The following CCDC191 variants were observed in gnomAD, a reference collection of about 807,000 sequenced individuals.
CCDC191 encodes the protein coiled-coil domain containing 191.
CCDC191 carries 99 observed loss-of-function variants against 114.0 expected under a neutral mutation model. The ratio of observed to expected loss-of-function variants is 0.87; its 90% CI spans 0.74 to 1.03. The LOEUF is 1.03. Among genes scored for constraint, CCDC191 ranks in the 50% least tolerant of loss-of-function variants. The probability of loss-of-function intolerance (pLI) is 0.00; values close to 1 mark genes in which losing one functional copy is unlikely to be tolerated. For synonymous variants in CCDC191, 351 were observed against 376.0 expected, an observed-to-expected ratio of 0.93 and a Z score of 0.77; for missense variants, 973 against 1,087.0, an observed-to-expected ratio of 0.90 and a Z score of 1.47.
At chr3:113,965,413 A>G (rs775470971) in intron 16 of CCDC191, 54 bp from the exon 17 acceptor site, 61 of 1,032,032 alleles carry the variant, frequency 5.9e-5, no homozygotes, top group Non-Finnish European at 8.3e-5. Flanking sequence ...TTGGCTTTCC[A>G]TCTATAGCAC....
intron 16 of CCDC191, among the ~76,000 whole-genome samples, chr3:113,967,373 A>G (rs1940307571): frequency 8.7e-6 from 1 of 115,064 alleles, no homozygotes; most frequent in South Asian, 2.6e-4. Flanking sequence ...ATCCTTGCCT[A>G]CATTTCTCTT....
chr3:114,028,270 T>TC lies in CCDC191; in HGVS notation c.972+3355_972+3356insG, dbSNP rs1382384383. Reference sequence around the variant, plus strand: ...CCACTGTGGTATGGGTTAGCAATTCTAAAAATTTTTTTTTTTTTTTTTTTT... The same window carrying TC: ...CCACTGTGGTATGGGTTAGCAATTCTCAAAAATTTTTTTTTTTTTTTTTTTT... On this transcript the variant is annotated intron_variant, in intron 7 of 16. Transcript: ENST00000295878. 2.0e-5 allele frequency among the ~76,000 whole-genome samples: 3 copies of TC among 149,202 alleles called. No homozygotes were observed. In the Admixed American group the frequency reaches 2.0e-4, roughly 10 times the overall value.
chr3:113,995,001 G>A (rs922698115), intron 13 of CCDC191, among the ~76,000 whole-genome samples: 1 of 152,174 alleles, frequency 6.6e-6, no homozygotes. Context: ...TGCAGATGAA[G>A]TTCTATTGGA....
At chr3:113,982,520 T>C (rs1577342127) in intron 13 of CCDC191, among the ~76,000 whole-genome samples, 3 of 152,082 alleles carry the variant, frequency 2.0e-5, no homozygotes, top group Non-Finnish European at 4.4e-5. Flanking sequence ...AGGGGTTTCA[T>C]AGAACACAGA....
rs892173306 is a variant in CCDC191 at position 114,046,598 on chromosome 3, A to G, written c.264T>C (p.Tyr88=). The change falls in exon 3 of 17, where the codon TAT becomes TAC. Residue 88 remains tyrosine (Y), a synonymous_variant. Coordinates refer to ENST00000295878, the MANE Select transcript of CCDC191 (RefSeq NM_020817.2). ...SEQIEDHDEI[Y]AEAQELVNDW... ...GAAAATGCATTCTCTTACCTTCTGCATAGATTTCATCATGATCCTCTATTT... is the reference window on the plus strand; with the variant it reads ...GAAAATGCATTCTCTTACCTTCTGCGTAGATTTCATCATGATCCTCTATTT... 1 of 1,579,052 alleles carries G rather than the reference A, an allele frequency of 6.3e-7. No individual in the cohort carries two copies. The highest frequency in any genetic ancestry group is 8.7e-7 in the Non-Finnish European group (1 of 1,148,220).
intron 13 of CCDC191, among the ~76,000 whole-genome samples, chr3:113,985,187 T>C (rs911504614): frequency 6.6e-6 from 1 of 152,056 alleles, no homozygotes; most frequent in Non-Finnish European, 1.5e-5. Context: ...GAGAAGATCA[T>C]GGAGAATCCA....
chr3:114,003,536 T>C, intron 11 of CCDC191: 1 of 985,410 alleles, frequency 1.0e-6, no homozygotes, highest in African/African-American at 1.7e-5. Context: ...AATATGCCCT[T>C]TGCCCATCTT....
intron 16 of CCDC191, among the ~76,000 whole-genome samples, chr3:113,974,790 C>A (rs1377497210): frequency 1.3e-5 from 2 of 152,012 alleles, no homozygotes; most frequent in African/African-American, 4.8e-5. Context: ...TATGTGGCTG[C>A]CTCCTTTTTG....
At chr3:114,011,162 G>C in intron 8 of CCDC191, 141 bp from the exon 9 acceptor site, 1 of 955,374 alleles carries the variant, frequency 1.0e-6, no homozygotes, top group South Asian at 1.7e-5. Context: ...TAAGCTAAAT[G>C]AAATTGCTTT....
At chr3:113,988,099 T>C (rs1453011377) in intron 13 of CCDC191, among the ~76,000 whole-genome samples, 1 of 151,158 alleles carries the variant, frequency 6.6e-6, no homozygotes, top group Admixed American at 6.6e-5. Flanking sequence ...CACAATAAAA[T>C]AGAATCATAA....
At chr3:114,022,045 G>T (rs1485656779) in intron 7 of CCDC191, among the ~76,000 whole-genome samples, 1 of 152,110 alleles carries the variant, frequency 6.6e-6, no homozygotes, top group Non-Finnish European at 1.5e-5. Context: ...AGGAAGAACT[G>T]TTCCTAAGTA....
intron 13 of CCDC191, among the ~76,000 whole-genome samples, chr3:113,985,837 G>C (rs1247468944): frequency 6.6e-6 from 1 of 152,114 alleles, no homozygotes; most frequent in Admixed American, 6.6e-5. Context: ...CCCAATTCCC[G>C]GCTAAATTAG....
chr3:114,039,093 G>A (rs324550), intron 4 of CCDC191, among the ~76,000 whole-genome samples: 75,693 of 151,932 alleles, frequency 0.5, 18,990 homozygotes, highest in Middle Eastern at 0.6. Flanking sequence ...AAAAAAAAGT[G>A]TAGCACATAC....
At chr3:113,974,959 T>G (rs1941185464) in intron 16 of CCDC191, among the ~76,000 whole-genome samples, 1 of 152,196 alleles carries the variant, frequency 6.6e-6, no homozygotes, top group African/African-American at 2.4e-5. Flanking sequence ...TTGGTAAATA[T>G]GTCTTGATAA....
intron 13 of CCDC191, among the ~76,000 whole-genome samples, chr3:113,986,365 C>T (rs2075355807): frequency 6.6e-6 from 1 of 151,924 alleles, no homozygotes; most frequent in Non-Finnish European, 1.5e-5. Context: ...ATAACAAATC[C>T]CATAAGGAAA....
intron 9 of CCDC191, among the ~76,000 whole-genome samples, chr3:114,009,663 T>C (rs2076034217): frequency 6.6e-6 from 1 of 152,170 alleles, no homozygotes; most frequent in Non-Finnish European, 1.5e-5. Flanking sequence ...TAAAAATGTT[T>C]AACCTTACTA....
chr3:113,971,271 G>A (rs1211887128), intron 16 of CCDC191, among the ~76,000 whole-genome samples: 2 of 152,194 alleles, frequency 1.3e-5, no homozygotes, highest in African/African-American at 4.8e-5. Context: ...ACTGGTGTGA[G>A]ATGGTATCTC....
rs571568102 is a variant in CCDC191 at position 114,008,511 on chromosome 3, G to T, written c.1413+2261C>A. Reference sequence around the variant, plus strand: ...AGTACTTAACAGCATTATGTGGAGGGTGGAGGTGAGGGGGTAGAAGCTCTT... The same window carrying T: ...AGTACTTAACAGCATTATGTGGAGGTTGGAGGTGAGGGGGTAGAAGCTCTT... On this transcript the variant is annotated intron_variant, in intron 9 of 16. Coordinates refer to ENST00000295878, the MANE Select transcript of CCDC191 (RefSeq NM_020817.2). Among the ~76,000 whole-genome samples the T allele has an allele frequency of 6.6e-5, 10 of 152,172 alleles. No individual in the cohort carries two copies. The East Asian group carries it at 1.9e-3, about 29-fold the overall frequency.
At chr3:113,980,950 A>G (rs1196551463) in intron 13 of CCDC191, among the ~76,000 whole-genome samples, 157 bp from the exon 14 acceptor site, 3 of 152,212 alleles carry the variant, frequency 2.0e-5, no homozygotes, top group Non-Finnish European at 4.4e-5. Context: ...TTTAAAAAAA[A>G]GGAAATAATT....
Sources: gnomAD v4.1 joint callset for allele counts (sites outside exome capture counted in the v4.1 genomes callset) on GRCh38, gnomAD v4.1.1 for gene constraint, MANE v1.5 for transcripts, NCBI Gene and HGNC (gene_info 2026-07-23, HGNC 2026-07-21) for gene names.